The following ATOSA variants were observed in gnomAD, a reference collection of about 807,000 sequenced individuals.
The protein encoded by ATOSA is atos homolog A, also known as atos homolog protein A.
chr15:52,676,916 A>T, the ATOSA span, among the ~76,000 whole-genome samples: 3 of 152,308 alleles, frequency 2.0e-5, no homozygotes, highest in South Asian at 4.1e-4. Context: ...ATTCTACACA[A>T]GGAACCTGCT....
chr15:52,659,089 C>T, the ATOSA span, among the ~76,000 whole-genome samples: 3 of 152,176 alleles, frequency 2.0e-5, no homozygotes, highest in Non-Finnish European at 4.4e-5. Flanking sequence ...CTACCCCCAA[C>T]CCCCAGCTCT....
At chr15:52,603,864 G>C in the ATOSA span, among the ~76,000 whole-genome samples, 2 of 152,130 alleles carry the variant, frequency 1.3e-5, no homozygotes, top group South Asian at 4.1e-4. Flanking sequence ...AGTGGGAATG[G>C]TTAATGGGTT....
the ATOSA span, among the ~76,000 whole-genome samples, chr15:52,682,139 A>T: frequency 6.6e-6 from 1 of 152,184 alleles, no homozygotes; most frequent in African/African-American, 2.4e-5. Context: ...AGTGGGATAA[A>T]GGTAGAGTTG....
chr15:52,581,942 G>A, the ATOSA span: 6 of 431,262 alleles, frequency 1.4e-5, no homozygotes, highest in Non-Finnish European at 2.4e-5. Flanking sequence ...CCAATGAAGT[G>A]GTTTCAACAG....
At chr15:52,622,960 TATAAATAA>T in the ATOSA span, among the ~76,000 whole-genome samples, 25,156 of 135,900 alleles carry the variant, frequency 0.19, 2,494 homozygotes, top group African/African-American at 0.26. Context: ...CTGTCCCTAT[TATAAATAA>T]ATAAATAAAT....
chr15:52,605,099 G>C, the ATOSA span: 59 of 1,398,532 alleles, frequency 4.2e-5, no homozygotes, highest in East Asian at 1.4e-3. Flanking sequence ...ATGTATGTAA[G>C]TTCTAAGCAT....
the ATOSA span, chr15:52,656,460 G>C: frequency 1.3e-5 from 2 of 151,976 alleles, no homozygotes; most frequent in Non-Finnish European, 2.9e-5. Context: ...AAAATATACT[G>C]TTTTAAGAGT....
At chr15:52,637,212 C>T in the ATOSA span, among the ~76,000 whole-genome samples, 1 of 151,888 alleles carries the variant, frequency 6.6e-6, no homozygotes, top group African/African-American at 2.4e-5. Flanking sequence ...AAGTGAAGTA[C>T]ATCAAAGACT....
chr15:52,626,173 G>A, the ATOSA span, among the ~76,000 whole-genome samples: 1 of 152,074 alleles, frequency 6.6e-6, no homozygotes, highest in Non-Finnish European at 1.5e-5. Flanking sequence ...TTTGCCCAAG[G>A]CCACACACTT....
the ATOSA span, chr15:52,611,662 G>A: frequency 6.2e-7 from 1 of 1,613,948 alleles, no homozygotes; most frequent in East Asian, 2.2e-5. Context: ...TCCCTCTGTG[G>A]TGGGCCCATC....
At chr15:52,619,471 C>T in the ATOSA span, among the ~76,000 whole-genome samples, 1 of 151,244 alleles carries the variant, frequency 6.6e-6, no homozygotes, top group Non-Finnish European at 1.5e-5. Flanking sequence ...TCTACTTTTA[C>T]AAGAAAAAAA....
chr15:52,595,078 T>A, the ATOSA span, among the ~76,000 whole-genome samples: 1 of 152,220 alleles, frequency 6.6e-6, no homozygotes, highest in African/African-American at 2.4e-5. Flanking sequence ...AATCTCTGAT[T>A]CCTGAACAAA....
At chr15:52,600,978 A>G in the ATOSA span, 1 of 732,628 alleles carries the variant, frequency 1.4e-6, no homozygotes, top group South Asian at 1.7e-5. Flanking sequence ...ACTCTAAATA[A>G]GATTCCTGTT....
chr15:52,660,287 G>C, the ATOSA span, among the ~76,000 whole-genome samples: 2 of 152,212 alleles, frequency 1.3e-5, no homozygotes, highest in Admixed American at 1.3e-4. Context: ...AATTATTCTA[G>C]TGAAGGAGAC....
chr15:52,581,770 A>AT, the ATOSA span: 1 of 159,272 alleles, frequency 6.3e-6, no homozygotes, highest in Admixed American at 6.5e-5. Context: ...TGATTTCAAC[A>AT]TTAATGTCAA....
chr15:52,650,871 G>C, the ATOSA span, among the ~76,000 whole-genome samples: 6 of 152,274 alleles, frequency 3.9e-5, no homozygotes, highest in Non-Finnish European at 5.9e-5. Flanking sequence ...TAATTAGTCT[G>C]CTCTGCTTTA....
chr15:52,662,121 T>C, the ATOSA span, among the ~76,000 whole-genome samples: 2 of 152,154 alleles, frequency 1.3e-5, no homozygotes, highest in South Asian at 2.1e-4. Flanking sequence ...TGCTTCTTAG[T>C]GCTCTACCAC....
chr15:52,704,426 C>T, the ATOSA span, among the ~76,000 whole-genome samples: 1 of 152,104 alleles, frequency 6.6e-6, no homozygotes, highest in African/African-American at 2.4e-5. Flanking sequence ...TAGGCAATAC[C>T]ATTCAGGACA....
At chr15:52,709,178 T>C in the ATOSA span, among the ~76,000 whole-genome samples, 12 of 152,174 alleles carry the variant, frequency 7.9e-5, no homozygotes, top group African/African-American at 2.2e-4. Flanking sequence ...TATTAGAAGA[T>C]GGGTACATTC....
Sources: gnomAD v4.1 joint callset for allele counts (sites outside exome capture counted in the v4.1 genomes callset) on GRCh38, gnomAD v4.1.1 for gene constraint, MANE v1.5 for transcripts, NCBI Gene and HGNC (gene_info 2026-07-23, HGNC 2026-07-21) for gene names.